CDH2: variants seen among roughly 807,000 people sequenced by gnomAD.
The protein encoded by CDH2 is cadherin 2, also known as cadherin-2.
Under a neutral mutation model 92.0 loss-of-function variants are expected in CDH2, and 17 were observed. The observed-to-expected ratio is 0.18, with a 90% CI of 0.13 to 0.28. CDH2 has a LOEUF of 0.28. Ranked by LOEUF, CDH2 falls within the 10% of genes least tolerant of loss-of-function variation. The pLI, the probability that CDH2 is intolerant of heterozygous loss-of-function variation, is 1.00. For synonymous variants in CDH2, 419 were observed against 415.9 expected, an observed-to-expected ratio of 1.01 and a Z score of -0.09; for missense variants, 862 against 1,133.1, an observed-to-expected ratio of 0.76 and a Z score of 3.44.
At chr18:28,125,739 G>GT (rs2144281349) in intron 2 of CDH2, among the ~76,000 whole-genome samples, 2 of 152,206 alleles carry the variant, frequency 1.3e-5, no homozygotes, top group South Asian at 4.2e-4. Flanking sequence ...TAACAGGCAC[G>GT]TAAGACAGTC....
chr18:28,020,481 T>C (rs2013380215), intron 2 of CDH2, among the ~76,000 whole-genome samples: 1 of 151,972 alleles, frequency 6.6e-6, no homozygotes, highest in Non-Finnish European at 1.5e-5. Context: ...ATCATGGACA[T>C]TTGACTGCTG....
At chr18:28,130,241 G>A (rs1048256094) in intron 2 of CDH2, among the ~76,000 whole-genome samples, 1 of 152,146 alleles carries the variant, frequency 6.6e-6, no homozygotes, top group Non-Finnish European at 1.5e-5. Context: ...GGTCATCAGA[G>A]GTCCACACTG....
At chr18:28,006,138 C>A in intron 5 of CDH2, 145 bp from the exon 6 acceptor site, 1 of 619,850 alleles carries the variant, frequency 1.6e-6, no homozygotes, top group Non-Finnish European at 2.8e-6. Flanking sequence ...TTAAGTTACA[C>A]CAAGTCCATA....
At chr18:27,943,144 A>G (rs1909185049) in intron 6 of CDH2, among the ~76,000 whole-genome samples, 1 of 152,174 alleles carries the variant, frequency 6.6e-6, no homozygotes, top group South Asian at 2.1e-4. Context: ...CTATCTGAAC[A>G]CCCCAAAATG....
chr18:28,129,083 G>A (rs751882783), intron 2 of CDH2, among the ~76,000 whole-genome samples: 4 of 152,116 alleles, frequency 2.6e-5, no homozygotes, highest in Admixed American at 1.3e-4. Context: ...ATTAGGCATC[G>A]TATGTTAAGT....
intron 2 of CDH2, among the ~76,000 whole-genome samples, chr18:28,032,497 T>C (rs1456588432): frequency 1.3e-5 from 2 of 152,138 alleles, no homozygotes; most frequent in Non-Finnish European, 2.9e-5. Flanking sequence ...AATTCATCTA[T>C]GTAAATATAA....
At chr18:28,002,696 T>C (rs548664756) in intron 7 of CDH2, among the ~76,000 whole-genome samples, 2 of 152,296 alleles carry the variant, frequency 1.3e-5, no homozygotes, top group African/African-American at 4.8e-5. Context: ...ACAAAAACCT[T>C]TGACTATAAA....
At chr18:28,060,613 CA>C (rs1455306906) in intron 2 of CDH2, among the ~76,000 whole-genome samples, 3 of 152,162 alleles carry the variant, frequency 2.0e-5, no homozygotes, top group African/African-American at 7.2e-5. Flanking sequence ...TTATCTTTTT[CA>C]AAACCATAAA....
chr18:28,121,885 G>A (rs980934924), intron 2 of CDH2, among the ~76,000 whole-genome samples: 2 of 152,032 alleles, frequency 1.3e-5, no homozygotes, highest in African/African-American at 4.8e-5. Flanking sequence ...GTGGAGGTGA[G>A]ATGAGTAAGT....
intron 2 of CDH2, among the ~76,000 whole-genome samples, chr18:28,128,051 C>G (rs2015706392): frequency 6.6e-6 from 1 of 152,116 alleles, no homozygotes; most frequent in Non-Finnish European, 1.5e-5. Flanking sequence ...TGGGACACCT[C>G]CCACATTCCC....
chr18:27,990,264 G>A lies in CDH2; in HGVS notation c.1431C>T (p.Pro477=), dbSNP rs1628684. Residue 477 remains proline (P), a synonymous_variant, in exon 10 of 16, where the codon CCC becomes CCT. Transcript: ENST00000269141. ...CAGACACGGTTGCAGTTGACTGAGG[G>A]GGGTGCTGAATTCCCTTGGCTAATG... ...QVPLAKGIQH[P]PQSTATVSVT... The A allele has an allele frequency of 1.2e-6, 2 of 1,614,088 alleles. No individual in the cohort carries two copies. The highest frequency in any genetic ancestry group is 1.7e-6 in the Non-Finnish European group (2 of 1,179,980).
At chr18:28,077,337 C>T (rs765923591) in intron 2 of CDH2, among the ~76,000 whole-genome samples, 62 of 152,018 alleles carry the variant, frequency 4.1e-4, no homozygotes, top group Non-Finnish European at 6.9e-4. Context: ...ATCTCCTAAA[C>T]GAACAACATG....
intron 2 of CDH2, among the ~76,000 whole-genome samples, chr18:28,083,843 A>G (rs1051282542): frequency 6.6e-6 from 1 of 152,200 alleles, no homozygotes; most frequent in Non-Finnish European, 1.5e-5. Flanking sequence ...CTAATCCAGT[A>G]TTTTGAGAAA....
At chr18:28,168,629 T>G in intron 1 of CDH2, 1 of 489,110 alleles carries the variant, frequency 2.0e-6, no homozygotes, top group Non-Finnish European at 2.7e-6. Flanking sequence ...TGATCAAAAC[T>G]ATTAGAAGAA....
At chr18:28,157,162 C>T (rs1690798979) in intron 1 of CDH2, among the ~76,000 whole-genome samples, 1 of 152,218 alleles carries the variant, frequency 6.6e-6, no homozygotes. Context: ...GTGCCCGTGG[C>T]ATTCCAGGAG....
intron 2 of CDH2, among the ~76,000 whole-genome samples, chr18:28,064,135 GA>G (rs1032584460): frequency 1.5e-4 from 20 of 136,000 alleles, no homozygotes; most frequent in African/African-American, 3.2e-4. Flanking sequence ...TTCCTCAAAA[GA>G]GGGGGGGGTA....
chr18:28,100,917 G>A (rs1421799627), intron 2 of CDH2, among the ~76,000 whole-genome samples: 1 of 152,106 alleles, frequency 6.6e-6, no homozygotes, highest in Non-Finnish European at 1.5e-5. Flanking sequence ...CTATCCCACT[G>A]AATAGCTAAT....
chr18:27,964,360 G>A (rs1341280527), intron 14 of CDH2, among the ~76,000 whole-genome samples: 1 of 152,178 alleles, frequency 6.6e-6, no homozygotes. Flanking sequence ...GGACAGGAAT[G>A]TATAAAGAAA....
chr18:28,159,599 G>C (rs1301948641), intron 1 of CDH2, among the ~76,000 whole-genome samples: 1 of 151,886 alleles, frequency 6.6e-6, no homozygotes, highest in Non-Finnish European at 1.5e-5. Flanking sequence ...TACTCATGGA[G>C]GAACTTGGGC....
Sources: allele counts gnomAD v4.1 joint callset (sites outside exome capture counted in the v4.1 genomes callset), GRCh38; gene constraint gnomAD v4.1.1; transcripts MANE v1.5; gene names NCBI Gene and HGNC (gene_info 2026-07-23, HGNC 2026-07-21).